The following TNRC6C variants were observed in gnomAD, a reference collection of about 807,000 sequenced individuals.
The protein encoded by TNRC6C is trinucleotide repeat containing adaptor 6C.
Under a neutral mutation model 153.7 loss-of-function variants are expected in TNRC6C, and 20 were observed. The ratio of observed to expected loss-of-function variants is 0.13; its 90% CI spans 0.09 to 0.19. TNRC6C has a LOEUF of 0.19. TNRC6C is among the 10% of genes least tolerant of loss of function. The probability of loss-of-function intolerance (pLI) is 1.00; values close to 1 mark genes in which losing one functional copy is unlikely to be tolerated. For synonymous variants in TNRC6C, 811 were observed against 841.4 expected, an observed-to-expected ratio of 0.96 and a Z score of 0.63; for missense variants, 1,987 against 2,172.0, an observed-to-expected ratio of 0.91 and a Z score of 1.69.
chr17:78,004,359 G>A (rs2071460335), upstream of TNRC6C: 1 of 1,220,984 alleles, frequency 8.2e-7, no homozygotes, highest in East Asian at 3.2e-5. Context: ...GTTTCATTCT[G>A]TTACTTTTTA....
intron 1 of TNRC6C, among the ~76,000 whole-genome samples, chr17:77,983,738 C>T (rs148404319): frequency 1.3e-3 from 201 of 152,160 alleles, no homozygotes; most frequent in Middle Eastern, 6.8e-3. Context: ...TTTCTTGTGT[C>T]TGTATGTTTA....
intron 1 of TNRC6C, among the ~76,000 whole-genome samples, chr17:77,977,670 A>C (rs2071019573): frequency 6.6e-6 from 1 of 152,150 alleles, no homozygotes; most frequent in Admixed American, 6.5e-5. Context: ...TCTCCTTTTC[A>C]ACCTTTCATG....
chr17:77,966,180 G>T (rs900197608), intron 1 of TNRC6C, among the ~76,000 whole-genome samples: 2 of 152,180 alleles, frequency 1.3e-5, no homozygotes, highest in Non-Finnish European at 2.9e-5. Context: ...TTATTGACTG[G>T]ATGAGTGCAG....
At chr17:77,960,057 C>T (rs144002250) in intron 1 of TNRC6C, among the ~76,000 whole-genome samples, 19 of 152,106 alleles carry the variant, frequency 1.2e-4, no homozygotes, top group African/African-American at 4.3e-4. Flanking sequence ...GATGTTGTGC[C>T]GGGAGGTAGG....
chr17:77,969,734 G>T (rs750950659), intron 1 of TNRC6C, among the ~76,000 whole-genome samples: 2 of 151,752 alleles, frequency 1.3e-5, no homozygotes, highest in African/African-American at 2.4e-5. Flanking sequence ...GTAGGCAGCA[G>T]TGTGCCTGGG....
intron 5 of TNRC6C, among the ~76,000 whole-genome samples, chr17:78,068,765 A>G (rs559963092): frequency 2.0e-5 from 3 of 152,150 alleles, no homozygotes; most frequent in South Asian, 4.2e-4. Context: ...GCCTCACTGC[A>G]CTCCAGCCTG....
chr17:78,086,313 G>T (rs2073282491), intron 11 of TNRC6C, among the ~76,000 whole-genome samples, 190 bp from the exon 14 acceptor site: 1 of 109,936 alleles, frequency 9.1e-6, no homozygotes, highest in Non-Finnish European at 1.7e-5. Flanking sequence ...CTGGATGACA[G>T]AGCGAGACTC....
At position 77,969,910 on chromosome 17, in the gene TNRC6C, T is replaced by G. The variant is rs990937878; in HGVS notation, c.-38+10642T>G. 1.2e-4 allele frequency among the ~76,000 whole-genome samples: 18 copies of G among 152,252 alleles called. No homozygotes were observed. In the East Asian group the frequency reaches 3.3e-3, roughly 28 times the overall value. ...GGTGAGAAGACAGTTCTGAAAAAAA[T>G]GTATCACCTTGAAACTAGAATGCTT... On this transcript the variant is annotated intron_variant, in intron 1 of 22. Transcript: ENST00000636222.
exon 17 of TNRC6C, chr17:78,098,430 C>T: frequency 6.2e-7 from 1 of 1,613,952 alleles, no homozygotes; most frequent in Non-Finnish European, 8.5e-7. Context: ...TGGAAGGTGC[C>T]CAGAAACAGT....
At chr17:78,065,802 C>T (rs2072864469) in intron 4 of TNRC6C, among the ~76,000 whole-genome samples, 1 of 152,074 alleles carries the variant, frequency 6.6e-6, no homozygotes, top group African/African-American at 2.4e-5. Flanking sequence ...GAAAGTGTAG[C>T]AAATATGCAG....
intron 3 of TNRC6C, among the ~76,000 whole-genome samples, chr17:78,063,918 A>G (rs2072819538): frequency 6.6e-6 from 1 of 152,232 alleles, no homozygotes; most frequent in Admixed American, 6.5e-5. Flanking sequence ...CTATTTAACC[A>G]TAGTTTTAAA....
intron 2 of TNRC6C, among the ~76,000 whole-genome samples, chr17:78,035,780 A>G (rs1314732944): frequency 6.6e-6 from 1 of 152,196 alleles, no homozygotes; most frequent in African/African-American, 2.4e-5. Flanking sequence ...TGTTTAATGA[A>G]TTCACATCCA....
chr17:78,073,556 A>C (rs138792901), intron 7 of TNRC6C, among the ~76,000 whole-genome samples: 22 of 152,346 alleles, frequency 1.4e-4, no homozygotes, highest in Admixed American at 5.2e-4. Flanking sequence ...CTGCTTTAAT[A>C]ATAATGTTAA....
At chr17:78,051,425 A>G (rs1006478475) in exon 3 of TNRC6C, 1 of 1,536,228 alleles carries the variant, frequency 6.5e-7, no homozygotes, top group Non-Finnish European at 8.8e-7. Flanking sequence ...ACTCAGCTGA[A>G]TCGATCACCG....
chr17:78,102,389 C>A, intron 17 of TNRC6C, 85 bp from the exon 21 acceptor site: 1 of 1,268,938 alleles, frequency 7.9e-7, no homozygotes, highest in South Asian at 1.3e-5. Context: ...TGCTGTCCCA[C>A]ACTTCAGCAC....
At chr17:77,958,398 C>T (rs753118020), upstream of TNRC6C, among the ~76,000 whole-genome samples, 1 of 152,028 alleles carries the variant, frequency 6.6e-6, no homozygotes, top group Non-Finnish European at 1.5e-5. Flanking sequence ...GTCCCGGCCA[C>T]TCGGAGCGCG....
chr17:78,069,905 A>C (rs1388123309), intron 5 of TNRC6C, among the ~76,000 whole-genome samples: 1 of 152,184 alleles, frequency 6.6e-6, no homozygotes, highest in Non-Finnish European at 1.5e-5. Context: ...AATGTTCTAA[A>C]TTCTCTGGAA....
rs1387090502 is a variant in TNRC6C at position 78,091,622 on chromosome 17, G to A, written c.3970+15G>A. 18 of 1,490,374 alleles carry A rather than the reference G, an allele frequency of 1.2e-5. No homozygotes were observed. The highest frequency in any genetic ancestry group is 1.6e-5 in the Non-Finnish European group (18 of 1,116,874). The allele number at this position is 1,490,374 out of a possible 1,614,324, so 92.3% of individuals were successfully genotyped here. A position where few individuals can be genotyped will look rare whatever the true frequency, so the allele number is the denominator to read the frequency against. ...TAGCAAGCATGGTACGTCTGAGCTA[G>A]GATGCCTGTGGTGGGATCACTGCTG... On this transcript the variant is annotated intron_variant, in intron 14 of 19. Transcript: ENST00000301624.
rs2072548670 is a variant in TNRC6C at position 78,052,079 on chromosome 17, G to A, written c.2395+622G>A. On this transcript the variant is annotated intron_variant, in intron 3 of 19. Coordinates refer to ENST00000301624, the Ensembl canonical transcript of TNRC6C. Reference sequence around the variant, plus strand: ...AGGGAAGAGATCCCTGTGTCCAGCAGGACAAGGGCACTTCATCCATCTCGT... The same window carrying A: ...AGGGAAGAGATCCCTGTGTCCAGCAAGACAAGGGCACTTCATCCATCTCGT... Among the ~76,000 whole-genome samples the A allele has an allele frequency of 2.0e-5, 3 of 152,358 alleles. 1 individual carries two copies. The South Asian group carries it at 6.2e-4, about 32-fold the overall frequency.
Sources: gnomAD v4.1 joint callset for allele counts (sites outside exome capture counted in the v4.1 genomes callset) on GRCh38, gnomAD v4.1.1 for gene constraint, MANE v1.5 for transcripts, NCBI Gene and HGNC (gene_info 2026-07-23, HGNC 2026-07-21) for gene names.